Variants in KAT7 observed in about 807,000 individuals in gnomAD.
The protein encoded by KAT7 is lysine acetyltransferase 7, also known as histone acetyltransferase KAT7.
In KAT7, 10 loss-of-function variants were observed where a neutral mutation model predicts 82.1. The observed-to-expected ratio is 0.12, with a 90% CI of 0.08 to 0.21. The LOEUF (loss-of-function observed/expected upper bound fraction) is 0.21, where lower values mean the gene tolerates loss of function less well. KAT7 is among the 10% of genes least tolerant of loss of function. The pLI, the probability that KAT7 is intolerant of heterozygous loss-of-function variation, is 1.00. For missense variants in KAT7, 378 were observed against 760.9 expected, an observed-to-expected ratio of 0.50 and a Z score of 5.92; for synonymous variants, 250 against 262.5, an observed-to-expected ratio of 0.95 and a Z score of 0.46.
chr17:49,821,037 A>G (rs2074297351), intron 9 of KAT7, among the ~76,000 whole-genome samples: 1 of 152,102 alleles, frequency 6.6e-6, no homozygotes, highest in Non-Finnish European at 1.5e-5. Flanking sequence ...AAGCAAGCGT[A>G]TTGTTATTTA....
chr17:49,833,652 C>G lies in KAT7; in HGVS notation c.*6150C>G, dbSNP rs2074441412. The stretch of plus-strand genomic sequence containing the variant: ...CGATGCATAGGAGAACCAAGGTGCT[C>G]TAGTCACAGCACTAAAAGCCCAGAC... On this transcript the variant is annotated 3_prime_UTR_variant, in exon 15 of 15. Coordinates refer to ENST00000259021, the MANE Select transcript of KAT7 (RefSeq NM_007067.5). The G allele has an allele frequency of 6.6e-6, 1 of 152,172 alleles. No homozygotes were observed. The highest frequency in any genetic ancestry group is 2.1e-4 in the South Asian group (1 of 4,830). The allele number at this position is 152,172 out of a possible 1,614,324, so 9.4% of individuals were successfully genotyped here.
intron 4 of KAT7, 108 bp downstream of exon 4, chr17:49,798,666 G>A (rs1476905009): frequency 2.6e-6 from 3 of 1,158,692 alleles, no homozygotes; most frequent in Non-Finnish European, 3.7e-6. Flanking sequence ...AGGCTCTTCA[G>A]TGGTCATGTG....
At chr17:49,822,862 C>T (rs900577006) in intron 11 of KAT7, among the ~76,000 whole-genome samples, 1 of 152,104 alleles carries the variant, frequency 6.6e-6, no homozygotes, top group South Asian at 2.1e-4. Context: ...CTTCCCTTCT[C>T]TTCCAGTAGG....
intron 3 of KAT7, 110 bp from the exon 4 acceptor site, chr17:49,798,209 T>C (rs2143864814): frequency 1.0e-6 from 1 of 969,726 alleles, no homozygotes; most frequent in South Asian, 1.7e-5. Flanking sequence ...TAGCTGAAAG[T>C]TACTGGTTAA....
chr17:49,791,220 C>A (rs2073884000), intron 1 of KAT7, among the ~76,000 whole-genome samples: 1 of 152,170 alleles, frequency 6.6e-6, no homozygotes, highest in Non-Finnish European at 1.5e-5. Context: ...AATGTGATAG[C>A]TTTTCATGGA....
chr17:49,824,873 A>G (rs1160668489), intron 12 of KAT7: 1 of 151,642 alleles, frequency 6.6e-6, no homozygotes, highest in African/African-American at 2.4e-5. Context: ...TTTTACCTAC[A>G]TTTTCACTTG....
chr17:49,812,112 T>TA (rs1288106664), intron 7 of KAT7, among the ~76,000 whole-genome samples: 1 of 152,190 alleles, frequency 6.6e-6, no homozygotes, highest in Non-Finnish European at 1.5e-5. Context: ...CAAATCCTAC[T>TA]ACCTAAAAAT....
chr17:49,801,246 G>A (rs1484378859), intron 4 of KAT7, among the ~76,000 whole-genome samples: 1 of 152,098 alleles, frequency 6.6e-6, no homozygotes, highest in African/African-American at 2.4e-5. Context: ...GAGTACAGTG[G>A]CGTGGTCACT....
intron 7 of KAT7, chr17:49,814,878 A>G (rs2074214540): frequency 6.6e-6 from 1 of 152,224 alleles, no homozygotes; most frequent in African/African-American, 2.4e-5. Context: ...GTCTCTTCAT[A>G]TGGTAATATG....
intron 5 of KAT7, among the ~76,000 whole-genome samples, chr17:49,807,809 A>T (rs995007319): frequency 6.6e-6 from 1 of 152,100 alleles, no homozygotes; most frequent in Non-Finnish European, 1.5e-5. Flanking sequence ...AGGCTTGCTG[A>T]TTGATTTGAT....
intron 4 of KAT7, among the ~76,000 whole-genome samples, chr17:49,803,321 A>G (rs970217294): frequency 3.3e-5 from 5 of 149,808 alleles, no homozygotes; most frequent in African/African-American, 1.2e-4. Context: ...CATGTTGGCC[A>G]GGCTGACCTC....
intron 7 of KAT7, chr17:49,815,027 C>G (rs1478658049): frequency 6.6e-6 from 1 of 152,128 alleles, no homozygotes; most frequent in African/African-American, 2.4e-5. Flanking sequence ...GGGAAGTTTC[C>G]TTTGTAGAAT....
chr17:49,805,664 A>T (rs186137201), intron 5 of KAT7, among the ~76,000 whole-genome samples: 2 of 152,358 alleles, frequency 1.3e-5, no homozygotes, highest in African/African-American at 4.8e-5. Context: ...GAGAGAAGTT[A>T]ACAAGGAGAT....
intron 3 of KAT7, 87 bp downstream of exon 3, chr17:49,797,013 A>G (rs1231412129): frequency 2.0e-6 from 2 of 1,021,862 alleles, no homozygotes; most frequent in Non-Finnish European, 3.0e-6. Flanking sequence ...CTGCAGGTAG[A>G]TGCCTAATAC....
rs2074419541 is a variant in KAT7, at chr17:49,830,811, A to AT, written c.*3311dup. ...CTACCGTTTTCTTCCACTATTTTTG[A>AT]TTCCTTAATGATGAATCATCCTCTC... On this transcript the variant is annotated 3_prime_UTR_variant, in exon 15 of 15. Coordinates refer to ENST00000259021, the MANE Select transcript of KAT7 (RefSeq NM_007067.5). 3 of 152,222 alleles carry AT rather than the reference A, an allele frequency of 2.0e-5. 1 individual carries two copies. The South Asian group carries it at 6.2e-4, about 32-fold the overall frequency. The allele number at this position is 152,222 out of a possible 1,614,324, so 9.4% of individuals were successfully genotyped here.
chr17:49,797,575 G>A (rs947932261), intron 3 of KAT7, among the ~76,000 whole-genome samples: 2 of 152,204 alleles, frequency 1.3e-5, no homozygotes, highest in Non-Finnish European at 2.9e-5. Context: ...ACAGACTGGT[G>A]AACTACTTCT....
chr17:49,813,368 T>C (rs935020394), intron 7 of KAT7, among the ~76,000 whole-genome samples: 15 of 152,216 alleles, frequency 9.9e-5, no homozygotes, highest in Middle Eastern at 3.2e-3. Context: ...TTCTTTTTTA[T>C]GGCTGCTCTT....
At chr17:49,813,397 T>C (rs1399602984) in intron 7 of KAT7, among the ~76,000 whole-genome samples, 1 of 152,162 alleles carries the variant, frequency 6.6e-6, no homozygotes, top group Non-Finnish European at 1.5e-5. Context: ...TTTTCTGACA[T>C]TTTAGTTTTT....
chr17:49,795,774 A>C (rs1385604582), intron 2 of KAT7: 1 of 224,706 alleles, frequency 4.5e-6, no homozygotes, highest in Non-Finnish European at 9.6e-6. Flanking sequence ...TGGTTCCCCT[A>C]CACTAGGTGT....
Sources: allele counts gnomAD v4.1 joint callset (sites outside exome capture counted in the v4.1 genomes callset), GRCh38; gene constraint gnomAD v4.1.1; transcripts MANE v1.5; gene names NCBI Gene and HGNC (gene_info 2026-07-23, HGNC 2026-07-21).